Variants in SHC2 observed in about 807,000 individuals in gnomAD.
SHC2 encodes the protein SHC-transforming protein 2.
In SHC2, 62 loss-of-function variants were observed where a neutral mutation model predicts 60.6. That is an observed-to-expected ratio of 1.02 (90% CI 0.83 to 1.26). The LOEUF is 1.26. SHC2 is among the 50% of genes most tolerant of loss of function. The pLI, the probability that SHC2 is intolerant of heterozygous loss-of-function variation, is 0.00. For synonymous variants in SHC2, 375 were observed against 372.4 expected (o/e 1.01, Z -0.08); for missense variants, 873 against 822.2 (o/e 1.06, Z -0.76).
chr19:446,414 C>T lies in SHC2; in HGVS notation c.469-5482G>A, dbSNP rs1269107955. On this transcript the variant is annotated intron_variant, in intron 1 of 12. Transcript: ENST00000264554. This position sits in a 1 kb window ranked among gnomAD's most constrained non-coding sequence, Gnocchi z 5.4. ...CAACTTCCGCCTCCCGGGTTCACAC[C>T]ATTCTCCTGTCTCAGCCTCCTGAGT... is the stretch of plus-strand genomic sequence containing the variant. 1.3e-5 allele frequency among the ~76,000 whole-genome samples: 2 copies of T among 152,072 alleles called. No homozygotes were observed. Among genetic ancestry groups the T allele is most frequent in the Non-Finnish European group, 2.9e-5 (2 of 68,010 alleles).
At position 445,755 on chromosome 19, in the gene SHC2, C is replaced by T. The variant is rs557702722; in HGVS notation, c.469-4823G>A. On this transcript the variant is annotated intron_variant, in intron 1 of 12. Transcript: ENST00000264554. The surrounding 1 kb of genome is among the most constrained non-coding windows in gnomAD (Gnocchi z 4.4). ...CATGTCTTAAAAAACACATTTTTGCCGGGCGCGGTGGCTCACGCCTGTAAT... is the reference window on the plus strand; with the variant it reads ...CATGTCTTAAAAAACACATTTTTGCTGGGCGCGGTGGCTCACGCCTGTAAT... 7.2e-5 allele frequency among the ~76,000 whole-genome samples: 11 copies of T among 152,090 alleles called. No individual in the cohort carries two copies. The highest frequency in any genetic ancestry group is 2.6e-4 in the Admixed American group (4 of 15,270).
At chr19:428,966 C>T (rs922430769) in intron 9 of SHC2, among the ~76,000 whole-genome samples, 9 of 148,746 alleles carry the variant, frequency 6.1e-5, no homozygotes, top group South Asian at 4.3e-4. Flanking sequence ...CCAACGTGCA[C>T]GGAAACCTAA....
chr19:430,791 C>G, intron 8 of SHC2, 44 bp from the exon 9 acceptor site: 1 of 1,579,840 alleles, frequency 6.3e-7, no homozygotes, highest in Non-Finnish European at 8.7e-7. Context: ...GTGCAAGCCC[C>G]TCTTCCTGGC....
Position 441,071 on chromosome 19 carries a change from C to T in SHC2, c.469-139G>A, listed in dbSNP as rs1974854183. On this transcript the variant is annotated intron_variant, in intron 1 of 12. Transcript: ENST00000264554. This position sits in a 1 kb window ranked among gnomAD's most constrained non-coding sequence, Gnocchi z 4.9. ...CTGTCCCTGGTGGCTCTGGGGCCGTCGTGCCTCCCCCACCTCAAGGCCCAG... is the reference window on the plus strand; with the variant it reads ...CTGTCCCTGGTGGCTCTGGGGCCGTTGTGCCTCCCCCACCTCAAGGCCCAG... 3.3e-6 allele frequency: 5 copies of T among 1,493,594 alleles called. No individual in the cohort carries two copies. Among genetic ancestry groups the T allele is most frequent in the Middle Eastern group, 1.9e-4 (1 of 5,232 alleles). The allele number at this position is 1,493,594 out of a possible 1,614,324, so 92.5% of individuals were successfully genotyped here.
At chr19:426,806 C>T (rs1230095588) in intron 9 of SHC2, among the ~76,000 whole-genome samples, 1 of 112,456 alleles carries the variant, frequency 8.9e-6, no homozygotes, top group Non-Finnish European at 1.8e-5. Context: ...GGAGGGAGGA[C>T]GACACCGAGA....
At position 454,992 on chromosome 19, in the gene SHC2, C is replaced by T. The variant is rs760241401; in HGVS notation, c.468+5537G>A. Among the ~76,000 whole-genome samples, 20 of 152,360 alleles carry T rather than the reference C, an allele frequency of 1.3e-4. No individual in the cohort carries two copies. The South Asian group carries it at 3.9e-3, about 30-fold the overall frequency. ...TGTCCCGCGTCCTTCTCTCTGTGCC[C>T]TCACTCAGCTTCTCATAAAGACGGC... On this transcript the variant is annotated intron_variant, in intron 1 of 12. Coordinates refer to ENST00000264554, the MANE Select transcript of SHC2 (RefSeq NM_012435.3).
In SHC2 at chr19:440,970, C is replaced by A. The variant is rs534839848; in HGVS notation, c.469-38G>T. 6.3e-7 allele frequency: 1 copy of A among 1,588,480 alleles called. No individual in the cohort carries two copies. The highest frequency in any genetic ancestry group is 2.2e-5 in the East Asian group (1 of 44,722). On this transcript the variant is annotated intron_variant, in intron 1 of 12. Transcript: ENST00000264554. This position sits in a 1 kb window ranked among gnomAD's most constrained non-coding sequence, Gnocchi z 7.0. ...AACAGGTGTCAGATGCCATCGGAAC[C>A]CCCGCAGTGGAGCCACGTCCCTTTT... is the stretch of plus-strand genomic sequence containing the variant.
At chr19:443,914 GTGGA>G (rs1203952277) in intron 1 of SHC2, among the ~76,000 whole-genome samples, 8 of 139,692 alleles carry the variant, frequency 5.7e-5, no homozygotes, top group South Asian at 2.5e-4. Flanking sequence ...GGATGGGTGG[GTGGA>G]TGGATGGATG....
chr19:425,900 G>A lies in SHC2; in HGVS notation c.1175-669C>T, dbSNP rs1008998790. 6.6e-6 allele frequency among the ~76,000 whole-genome samples: 1 copy of A among 151,928 alleles called. No homozygotes were observed. The highest frequency in any genetic ancestry group is 2.4e-5 in the African/African-American group (1 of 41,354). On this transcript the variant is annotated intron_variant, in intron 9 of 12. Transcript: ENST00000264554. This position sits in a 1 kb window ranked among gnomAD's most constrained non-coding sequence, Gnocchi z 4.1. ...AAAAATTAGCTAGGCGTGGTGGTGG[G>A]CGCCTGCAATCCCAGCTATTTGGGA...
At chr19:452,414 G>A (rs999916882) in intron 1 of SHC2, among the ~76,000 whole-genome samples, 7 of 125,080 alleles carry the variant, frequency 5.6e-5, no homozygotes, top group African/African-American at 1.9e-4. Flanking sequence ...CATTGAGGTT[G>A]GGGCATCGTA....
chr19:437,189 T>C (rs1974743490), intron 4 of SHC2, among the ~76,000 whole-genome samples: 1 of 152,160 alleles, frequency 6.6e-6, no homozygotes, highest in Non-Finnish European at 1.5e-5. Context: ...CTCGTTTGCA[T>C]GCTCATCTAC....
At chr19:426,999 G>T (rs1029451484) in intron 9 of SHC2, among the ~76,000 whole-genome samples, 1 of 152,200 alleles carries the variant, frequency 6.6e-6, no homozygotes, top group African/African-American at 2.4e-5. Flanking sequence ...GAACAGCCCG[G>T]GTGTGGGCAC....
At chr19:419,690 C>T (rs2145685335) in intron 11 of SHC2, 1 of 152,386 alleles carries the variant, frequency 6.6e-6, no homozygotes, top group Non-Finnish European at 1.5e-5. Flanking sequence ...CGTGTGTGGT[C>T]ATTTGGTTTG....
At chr19:420,079 C>T (rs1469751509) in intron 11 of SHC2, among the ~76,000 whole-genome samples, 1 of 152,240 alleles carries the variant, frequency 6.6e-6, no homozygotes, top group Non-Finnish European at 1.5e-5. Flanking sequence ...TAACAAGGTA[C>T]TGGTAGACGT....
At chr19:434,322 T>C (rs982747352) in intron 8 of SHC2, among the ~76,000 whole-genome samples, 5 of 3,780 alleles carry the variant, frequency 1.3e-3, no homozygotes, top group African/African-American at 5.1e-3. Context: ...GTGACTGAGA[T>C]CATGAGTCTG....
At chr19:442,999 GTGGA>G (rs1974942067) in intron 1 of SHC2, among the ~76,000 whole-genome samples, 1 of 135,024 alleles carries the variant, frequency 7.4e-6, no homozygotes, top group Non-Finnish European at 1.6e-5. Flanking sequence ...GCATGGGTGG[GTGGA>G]TGGATGGATG....
chr19:456,814 C>T (rs557305554), intron 1 of SHC2, among the ~76,000 whole-genome samples: 13 of 132,458 alleles, frequency 9.8e-5, no homozygotes, highest in Non-Finnish European at 1.3e-4. Flanking sequence ...GGGGCCTTTG[C>T]ACCTGCTGTG....
rs1974302760 is a variant in SHC2 at position 422,439 on chromosome 19, G to C, written c.1327C>G (p.Leu443Val). The change falls in exon 11 of 13, where the codon CTG (leucine) becomes GTG (valine). Residue 443 changes from leucine to valine, a missense_variant. Leu to Val is a conservative substitution (Grantham distance 32). Transcript: ENST00000264554. This position sits in a 1 kb window ranked among gnomAD's most constrained non-coding sequence, Gnocchi z 5.0. ...GCCACTGAGCACTCATGCAACTTCA[G>C]GGCATCCTCAAAGGGTCCTGCAGGC... ...LFDMRPFEDALKLHECSVAAG... is the reference protein window; with the variant it reads ...LFDMRPFEDAVKLHECSVAAG... 6.4e-7 allele frequency: 1 copy of C among 1,566,330 alleles called. No individual in the cohort carries two copies. The highest frequency in any genetic ancestry group is 8.7e-7 in the Non-Finnish European group (1 of 1,155,036).
chr19:418,401 G>A (rs1045693584), intron 12 of SHC2, among the ~76,000 whole-genome samples: 20 of 152,274 alleles, frequency 1.3e-4, no homozygotes, highest in Admixed American at 3.9e-4. Flanking sequence ...GCAGTGACGC[G>A]TGTCCACACA....
Sources: gnomAD v4.1 joint callset for allele counts (sites outside exome capture counted in the v4.1 genomes callset) on GRCh38, gnomAD v4.1.1 for gene constraint, Gnocchi (gnomAD v3.1) non-coding constraint, MANE v1.5 for transcripts, NCBI Gene and HGNC (gene_info 2026-07-23, HGNC 2026-07-21) for gene names.